NFIL3: variants seen among roughly 807,000 people sequenced by gnomAD.
The protein encoded by NFIL3 is nuclear factor interleukin-3-regulated protein.
NFIL3 carries 5 observed loss-of-function variants against 10.0 expected under a neutral mutation model. The observed-to-expected ratio is 0.50, with a 90% CI of 0.26 to 1.06. The LOEUF (loss-of-function observed/expected upper bound fraction) is 1.06. NFIL3 is among the 50% of genes least tolerant of loss of function. The probability of loss-of-function intolerance (pLI) is 0.13; values close to 1 mark genes in which losing one functional copy is unlikely to be tolerated. For missense variants in NFIL3, 436 were observed against 547.6 expected (o/e 0.80, Z 2.03); for synonymous variants, 202 against 206.5 (o/e 0.98, Z 0.19).
chr9:91,442,292 T>C, the NFIL3 span, among the ~76,000 whole-genome samples: 17 of 152,344 alleles, frequency 1.1e-4, no homozygotes, highest in African/African-American at 3.1e-4. Flanking sequence ...ACAAGGTTTT[T>C]GCTGAGAAAT....
At chr9:91,472,366 C>T in the NFIL3 span, among the ~76,000 whole-genome samples, 1 of 152,200 alleles carries the variant, frequency 6.6e-6, no homozygotes, top group Non-Finnish European at 1.5e-5. Context: ...TTGGTCTTTT[C>T]ACATAGTCCC....
the NFIL3 span, among the ~76,000 whole-genome samples, chr9:91,429,783 A>G: frequency 6.6e-6 from 1 of 152,068 alleles, no homozygotes; most frequent in African/African-American, 2.4e-5. Flanking sequence ...GCATACTGGC[A>G]GGATGATAAA....
At chr9:91,467,805 C>T in the NFIL3 span, among the ~76,000 whole-genome samples, 33 of 151,776 alleles carry the variant, frequency 2.2e-4, no homozygotes, top group Non-Finnish European at 4.1e-4. Flanking sequence ...TCTGTCCTTG[C>T]GATAGTTTGC....
the NFIL3 span, among the ~76,000 whole-genome samples, chr9:91,466,271 G>C: frequency 2.1e-4 from 32 of 152,136 alleles, no homozygotes; most frequent in Admixed American, 6.6e-4. Context: ...ACTCCAGCCA[G>C]AGTACTAACA....
At chr9:91,421,691 C>G (rs1184534560) in intron 1 of NFIL3, among the ~76,000 whole-genome samples, 1 of 152,156 alleles carries the variant, frequency 6.6e-6, no homozygotes, top group Non-Finnish European at 1.5e-5. Flanking sequence ...GGGACTCCCA[C>G]CCGAGCTCGC....
In NFIL3 at chr9:91,409,680, G is replaced by A; in HGVS notation, c.1055C>T (p.Ser352Phe). The A allele has an allele frequency of 6.2e-7, 1 of 1,614,228 alleles. No individual in the cohort carries two copies. ...DNEFEATQKL[S>F]SPIDMTSKRH... ...TTTAGATGTCATGTCAATAGGTGAG[G>A]AAAGTTTTTGCGTGGCCTCAAATTC... The change falls in exon 2 of 2, where the codon TCC (serine) becomes TTC (phenylalanine). Residue 352 changes from serine (S) to phenylalanine (F), a missense_variant. Around this residue, in one of 3 missense-constraint regions of NFIL3, gnomAD observed 338 missense variants for 399.9 expected, o/e 0.85. Transcript: ENST00000297689.
the NFIL3 span, among the ~76,000 whole-genome samples, chr9:91,476,267 G>C: frequency 6.6e-6 from 1 of 152,160 alleles, no homozygotes; most frequent in Non-Finnish European, 1.5e-5. Context: ...ACCAAATCTA[G>C]CTGTGTATAA....
At chr9:91,449,813 A>G in the NFIL3 span, among the ~76,000 whole-genome samples, 60 of 152,226 alleles carry the variant, frequency 3.9e-4, no homozygotes, top group African/African-American at 1.3e-3. Flanking sequence ...AGAATTTATC[A>G]GTAAAGCCGT....
the NFIL3 span, among the ~76,000 whole-genome samples, chr9:91,462,758 G>T: frequency 3.8e-5 from 5 of 131,192 alleles, no homozygotes; most frequent in Admixed American, 4.7e-4. Context: ...GGAAGAGATT[G>T]TATTATTTTT....
chr9:91,446,692 AT>A, the NFIL3 span, among the ~76,000 whole-genome samples: 1 of 152,190 alleles, frequency 6.6e-6, no homozygotes, highest in African/African-American at 2.4e-5. Flanking sequence ...GGTATTTCAT[AT>A]TAGTGGAATC....
At chr9:91,482,058 G>A in the NFIL3 span, among the ~76,000 whole-genome samples, 1 of 152,154 alleles carries the variant, frequency 6.6e-6, no homozygotes, top group South Asian at 2.1e-4. Flanking sequence ...TTGCCCGTGG[G>A]AACAGGAATA....
chr9:91,415,077 C>T (rs1010037954), intron 1 of NFIL3, among the ~76,000 whole-genome samples: 2 of 152,058 alleles, frequency 1.3e-5, no homozygotes, highest in Non-Finnish European at 2.9e-5. Context: ...ATATGGAGCA[C>T]CTACTGTGTA....
chr9:91,426,128 C>T (rs1336029301), upstream of NFIL3: 1 of 152,182 alleles, frequency 6.6e-6, no homozygotes, highest in Non-Finnish European at 1.5e-5. Flanking sequence ...GAAACTTATT[C>T]TTTATGCTGA....
the NFIL3 span, among the ~76,000 whole-genome samples, chr9:91,479,309 T>C: frequency 1.3e-5 from 2 of 152,316 alleles, no homozygotes; most frequent in Admixed American, 6.5e-5. Context: ...AGCCCCTGAT[T>C]GGGGCTGCTG....
the NFIL3 span, among the ~76,000 whole-genome samples, chr9:91,472,270 G>A: frequency 2.0e-5 from 3 of 152,200 alleles, no homozygotes; most frequent in Non-Finnish European, 4.4e-5. Flanking sequence ...GGTTGGGGAA[G>A]TTCTCCTGGA....
chr9:91,473,056 G>A, the NFIL3 span, among the ~76,000 whole-genome samples: 1 of 152,124 alleles, frequency 6.6e-6, no homozygotes, highest in East Asian at 1.9e-4. Context: ...AGTAAATATT[G>A]CCACCTGATC....
the NFIL3 span, among the ~76,000 whole-genome samples, chr9:91,474,472 G>T: frequency 5.3e-5 from 8 of 152,130 alleles, no homozygotes; most frequent in Non-Finnish European, 7.4e-5. Context: ...CCAGTATGTG[G>T]TGATTCTCTA....
At position 91,409,519 on chromosome 9, in the gene NFIL3, T is replaced by C. The variant is rs112655896; in HGVS notation, c.1216A>G (p.Lys406Glu). 1,084 of 1,613,970 alleles carry C rather than the reference T, an allele frequency of 6.7e-4. 4 individuals carry two copies. In the African/African-American group the frequency reaches 0.013, roughly 19 times the overall value. The change falls in exon 2 of 2, where the codon AAA (lysine) becomes GAA (glutamate). Residue 406 changes from lysine (K) to glutamate (E), a missense_variant. Physicochemically the swap from Lys to Glu is moderately conservative, Grantham distance 56. Coordinates refer to ENST00000297689, the MANE Select transcript of NFIL3 (RefSeq NM_005384.3). ...EHWHQKELSGKTQNSFKTGVV... is the reference protein window; with the variant it reads ...EHWHQKELSGETQNSFKTGVV... ...CCAGTTTTGAAACTATTCTGAGTTT[T>C]GCCACTCAGTTCTTTTTGATGCCAG...
the NFIL3 span, among the ~76,000 whole-genome samples, chr9:91,433,881 T>A: frequency 7.2e-5 from 11 of 151,992 alleles, no homozygotes; most frequent in African/African-American, 2.7e-4. Flanking sequence ...GAAAAGTGTC[T>A]TATTCACAAT....
Sources: gnomAD v4.1 joint callset for allele counts (sites outside exome capture counted in the v4.1 genomes callset) on GRCh38, gnomAD v4.1.1 for gene constraint, gnomAD v4.1.1 regional missense constraint, MANE v1.5 for transcripts, NCBI Gene and HGNC (gene_info 2026-07-23, HGNC 2026-07-21) for gene names.